The following GYS2 variants were observed in gnomAD, a reference collection of about 807,000 sequenced individuals.
The protein encoded by GYS2 is glycogen synthase 2, also known as glycogen [starch] synthase, liver.
In GYS2, 80 loss-of-function variants were observed where a neutral mutation model predicts 85.6. The observed-to-expected ratio is 0.93, with a 90% CI of 0.78 to 1.13. The LOEUF (loss-of-function observed/expected upper bound fraction) is 1.13. GYS2 is among the 50% of genes most tolerant of loss of function. The pLI, the probability that GYS2 is intolerant of heterozygous loss-of-function variation, is 0.00. For synonymous variants in GYS2, 328 were observed against 300.7 expected (o/e 1.09, Z -0.94); for missense variants, 881 against 854.9 (o/e 1.03, Z -0.38).
chr12:21,595,606 T>C (rs528255533), intron 1 of GYS2, among the ~76,000 whole-genome samples: 1 of 146,238 alleles, frequency 6.8e-6, no homozygotes, highest in Non-Finnish European at 1.5e-5. Flanking sequence ...ATGCTCCACT[T>C]AAAAGGGTGA....
chr12:21,593,465 A>T (rs1335722846), intron 1 of GYS2, among the ~76,000 whole-genome samples: 1 of 151,904 alleles, frequency 6.6e-6, no homozygotes, highest in Non-Finnish European at 1.5e-5. Context: ...AATAGAAAAG[A>T]TTATCAGAGA....
At chr12:21,576,523 A>C (rs572063690) in intron 2 of GYS2, among the ~76,000 whole-genome samples, 1 of 152,332 alleles carries the variant, frequency 6.6e-6, no homozygotes, top group East Asian at 1.9e-4. Context: ...TCTGTAGTCC[A>C]ATATGTATGA....
intron 1 of GYS2, among the ~76,000 whole-genome samples, chr12:21,600,019 G>A (rs1369205840): frequency 2.0e-5 from 3 of 152,138 alleles, no homozygotes; most frequent in Non-Finnish European, 4.4e-5. Context: ...CATTACCCAG[G>A]TGATGGTGGA....
At chr12:21,602,744 C>A (rs926214614) in intron 1 of GYS2, among the ~76,000 whole-genome samples, 4 of 151,864 alleles carry the variant, frequency 2.6e-5, no homozygotes, top group Admixed American at 2.6e-4. Context: ...CTGTTCTAGA[C>A]CCTGAGATCA....
rs55790137 is a variant in GYS2, at chr12:21,565,390, A to AATATATATAT, written c.824-2055_824-2046dup. ...ACCATTATACTATTTCCATCCATGA[A>AATATATATAT]ATATATATATATATATATATATATA... On this transcript the variant is annotated intron_variant, in intron 5 of 15. Coordinates refer to ENST00000261195, the MANE Select transcript of GYS2 (RefSeq NM_021957.4). Among the ~76,000 whole-genome samples the AATATATATAT allele has an allele frequency of 1.4e-3, 104 of 73,620 alleles. 2 individuals are homozygous for AATATATATAT. Among genetic ancestry groups the AATATATATAT allele is most frequent in the African/African-American group, 1.6e-3 (30 of 18,202 alleles). The allele number at this position is 73,620 out of a possible 152,430, so 48.3% of individuals were successfully genotyped here.
chr12:21,536,718 T>C lies in GYS2; in HGVS notation c.*236A>G, dbSNP rs1400531481. The C allele has an allele frequency of 3.6e-6, 2 of 554,898 alleles. No individual in the cohort carries two copies. Among genetic ancestry groups the C allele is most frequent in the Admixed American group, 6.2e-5 (2 of 32,202 alleles). The allele number at this position is 554,898 out of a possible 1,614,324, so 34.4% of individuals were successfully genotyped here. A position where few individuals can be genotyped will look rare whatever the true frequency, so the allele number is the denominator to read the frequency against. ...ACACTTTTCCGTCTTCTGCCTTTAA[T>C]GAGTGCTCCTCCTCATGCCTAACTT... On this transcript the variant is annotated 3_prime_UTR_variant, in exon 16 of 16. Coordinates refer to ENST00000261195, the MANE Select transcript of GYS2 (RefSeq NM_021957.4).
At chr12:21,578,779 CA>C (rs888608588) in intron 2 of GYS2, among the ~76,000 whole-genome samples, 1 of 152,012 alleles carries the variant, frequency 6.6e-6, no homozygotes, top group African/African-American at 2.4e-5. Flanking sequence ...TCCCCTTCCC[CA>C]TTCTCAGCGA....
intron 12 of GYS2, among the ~76,000 whole-genome samples, chr12:21,542,920 G>T (rs1469133664): frequency 6.6e-6 from 1 of 152,126 alleles, no homozygotes; most frequent in African/African-American, 2.4e-5. Flanking sequence ...GGAACTGCCG[G>T]GCTCCACTGC....
intron 1 of GYS2, among the ~76,000 whole-genome samples, chr12:21,593,386 AAAGAG>A (rs57966393): frequency 0.31 from 47,513 of 151,246 alleles, 7,754 homozygotes; most frequent in Middle Eastern, 0.47. Context: ...TAACCAAGAA[AAAGAG>A]AAGAGACTGA....
rs757319049 is a variant in GYS2 at position 21,563,014 on chromosome 12, C to G, written c.966G>C (p.Lys322Asn). The stretch of plus-strand genomic sequence containing the variant: ...TCCCAGCAATGAAAAGGAACAAAGT[C>G]TTTTCAAGATCAAAGTCGAGATGAC... ...FYGHLDFDLEKTLFLFIAGRY... is the reference protein window; with the variant it reads ...FYGHLDFDLENTLFLFIAGRY... Residue 322 changes from lysine (K) to asparagine (N), a missense_variant, in exon 7 of 16, where the codon AAG becomes AAC. Transcript: ENST00000261195. The G allele has an allele frequency of 3.1e-6, 5 of 1,612,590 alleles. No individual in the cohort carries two copies. The African/African-American group carries it at 6.7e-5, about 22-fold the overall frequency.
downstream of GYS2, among the ~76,000 whole-genome samples, chr12:21,534,039 C>T (rs1263210490): frequency 3.3e-5 from 5 of 152,194 alleles, no homozygotes; most frequent in Non-Finnish European, 7.3e-5. Flanking sequence ...TTCCCAAAGG[C>T]TCTGCCTCCT....
At chr12:21,591,085 G>T (rs1024204522) in intron 1 of GYS2, among the ~76,000 whole-genome samples, 2 of 151,918 alleles carry the variant, frequency 1.3e-5, no homozygotes, top group African/African-American at 2.4e-5. Context: ...AAAAGGTGAA[G>T]AAATATGACA....
intron 13 of GYS2, among the ~76,000 whole-genome samples, chr12:21,540,776 G>A (rs753020216): frequency 1.1e-4 from 17 of 152,170 alleles, no homozygotes; most frequent in East Asian, 9.7e-4. Context: ...CACAGCCAAC[G>A]AAGTGGATCT....
downstream of GYS2, among the ~76,000 whole-genome samples, chr12:21,533,105 A>G (rs913462263): frequency 6.6e-6 from 1 of 152,252 alleles, no homozygotes; most frequent in Non-Finnish European, 1.5e-5. Context: ...ACACACAGAT[A>G]CATGCACTAG....
At chr12:21,548,701 G>T (rs1944070989) in intron 11 of GYS2, among the ~76,000 whole-genome samples, 1 of 151,976 alleles carries the variant, frequency 6.6e-6, no homozygotes, top group South Asian at 2.1e-4. Flanking sequence ...GTTCAATTTT[G>T]CTGTGAACCT....
chr12:21,588,318 A>G (rs1043155728), intron 1 of GYS2, among the ~76,000 whole-genome samples: 2 of 152,248 alleles, frequency 1.3e-5, no homozygotes, highest in African/African-American at 2.4e-5. Flanking sequence ...TCTTATCAAT[A>G]GTCACAATCA....
intron 5 of GYS2, among the ~76,000 whole-genome samples, chr12:21,566,437 G>A (rs1944321699): frequency 6.6e-6 from 1 of 151,156 alleles, no homozygotes; most frequent in Non-Finnish European, 1.5e-5. Flanking sequence ...GCCACAAAAT[G>A]TTCAGAGATT....
chr12:21,591,287 A>G (rs1253351012), intron 1 of GYS2, among the ~76,000 whole-genome samples: 1 of 152,114 alleles, frequency 6.6e-6, no homozygotes, highest in African/African-American at 2.4e-5. Context: ...TACCCAAGAG[A>G]TAGATACAAC....
chr12:21,560,578 G>A (rs1267235628), intron 7 of GYS2, 86 bp from the exon 8 acceptor site: 1 of 772,592 alleles, frequency 1.3e-6, no homozygotes, highest in Admixed American at 1.7e-5. Context: ...GAAAAGTAGA[G>A]TTTTAAAATA....
Sources: allele counts gnomAD v4.1 joint callset (sites outside exome capture counted in the v4.1 genomes callset), GRCh38; gene constraint gnomAD v4.1.1; transcripts MANE v1.5; gene names NCBI Gene and HGNC (gene_info 2026-07-23, HGNC 2026-07-21).